Variants in LDAH observed in about 807,000 individuals in gnomAD.
The protein encoded by LDAH is lipid droplet associated hydrolase.
Under a neutral mutation model 29.6 loss-of-function variants are expected in LDAH, and 26 were observed. The observed-to-expected ratio is 0.88, with a 90% CI of 0.64 to 1.22. LDAH has a LOEUF of 1.22. Among genes scored for constraint, LDAH ranks in the 50% most tolerant of loss-of-function variants. The probability of loss-of-function intolerance (pLI) is 0.00; values close to 1 mark genes in which losing one functional copy is unlikely to be tolerated. For missense variants in LDAH, 344 were observed against 387.3 expected (o/e 0.89, Z 0.94); for synonymous variants, 117 against 133.0 (o/e 0.88, Z 0.83).
Position 20,686,961 on chromosome 2 carries a change from T to G in LDAH, c.920A>C (p.Asn307Thr), listed in dbSNP as rs1662602921. The G allele has an allele frequency of 6.2e-7, 1 of 1,614,128 alleles. No homozygotes were observed. The highest frequency in any genetic ancestry group is 1.3e-5 in the African/African-American group (1 of 75,032). ...AGCAATCATGTCTGCCATTTCCTGG[T>G]TAAAATGGGTGATGAAAGCATGAGG... The part of the protein sequence containing the change: ...NIPHAFITHF[N>T]QEMADMIADS... Residue 307 changes from asparagine (N) to threonine (T), a missense_variant, in exon 7 of 7, where the codon AAC (asparagine) becomes ACC (threonine). Transcript: ENST00000237822.
At chr2:20,750,592 GAACT>G (rs1272811439) in intron 4 of LDAH, among the ~76,000 whole-genome samples, 8 of 152,172 alleles carry the variant, frequency 5.3e-5, no homozygotes, top group Admixed American at 2.6e-4. Context: ...CCAATTGATA[GAACT>G]AACTGACGCT....
intron 4 of LDAH, among the ~76,000 whole-genome samples, chr2:20,758,097 A>G (rs920216563): frequency 1.3e-5 from 2 of 152,344 alleles, no homozygotes; most frequent in Non-Finnish European, 2.9e-5. Flanking sequence ...TAGACAAGAT[A>G]ATATAACCAA....
intron 3 of LDAH, among the ~76,000 whole-genome samples, chr2:20,779,418 C>T (rs906988871): frequency 4.0e-5 from 6 of 151,862 alleles, no homozygotes; most frequent in African/African-American, 1.4e-4. Context: ...CCATAGCACA[C>T]GTATACCTAT....
intron 5 of LDAH, among the ~76,000 whole-genome samples, chr2:20,728,041 A>G (rs1572490064): frequency 6.6e-6 from 1 of 152,312 alleles, no homozygotes; most frequent in East Asian, 1.9e-4. Context: ...AAATATTTGA[A>G]TATTTTGGTT....
chr2:20,773,523 T>A (rs369014931), intron 4 of LDAH, among the ~76,000 whole-genome samples: 21 of 152,298 alleles, frequency 1.4e-4, no homozygotes, highest in African/African-American at 4.6e-4. Flanking sequence ...AAAGCCTGCA[T>A]TCTGATTAAG....
chr2:20,797,727 T>C (rs535469362), intron 2 of LDAH, among the ~76,000 whole-genome samples: 61 of 151,750 alleles, frequency 4.0e-4, no homozygotes, highest in Middle Eastern at 3.4e-3. Context: ...TAAAGACTAA[T>C]GCAAATGAAA....
intron 3 of LDAH, chr2:20,789,012 T>A: frequency 1.0e-6 from 1 of 981,022 alleles, no homozygotes; most frequent in Non-Finnish European, 1.5e-6. Flanking sequence ...GCTCTCAAAG[T>A]CCCTCTCAAA....
intron 4 of LDAH, among the ~76,000 whole-genome samples, chr2:20,757,441 G>A (rs1017584894): frequency 1.3e-5 from 2 of 152,042 alleles, no homozygotes; most frequent in Non-Finnish European, 2.9e-5. Flanking sequence ...AAGAATAATT[G>A]CAAAAACAAA....
intron 5 of LDAH, among the ~76,000 whole-genome samples, chr2:20,727,338 TG>T (rs1240674361): frequency 2.6e-5 from 4 of 152,256 alleles, no homozygotes; most frequent in Admixed American, 2.6e-4. Flanking sequence ...AAAATTATTC[TG>T]GGATTGAGTT....
intron 3 of LDAH, among the ~76,000 whole-genome samples, chr2:20,778,293 C>T (rs553690735): frequency 6.6e-6 from 1 of 152,286 alleles, no homozygotes; most frequent in South Asian, 2.1e-4. Flanking sequence ...CACTTCACAG[C>T]TCACCTAACG....
intron 1 of LDAH, among the ~76,000 whole-genome samples, chr2:20,804,189 G>C (rs1671910780): frequency 6.6e-6 from 1 of 152,200 alleles, no homozygotes; most frequent in African/African-American, 2.4e-5. Context: ...ACTGATGCAA[G>C]GGCTATGTGT....
intron 1 of LDAH, among the ~76,000 whole-genome samples, chr2:20,817,819 A>C (rs976376405): frequency 1.3e-5 from 2 of 152,222 alleles, no homozygotes; most frequent in Admixed American, 6.5e-5. Flanking sequence ...ACTACTCAGC[A>C]ATAAATAAAG....
intron 4 of LDAH, among the ~76,000 whole-genome samples, chr2:20,772,410 C>G (rs868787835): frequency 6.6e-6 from 1 of 152,210 alleles, no homozygotes; most frequent in South Asian, 2.1e-4. Flanking sequence ...TTTTATTTGA[C>G]AGGTCCAAGT....
chr2:20,752,220 T>C (rs62123979), intron 4 of LDAH, among the ~76,000 whole-genome samples: 1 of 151,684 alleles, frequency 6.6e-6, no homozygotes, highest in Non-Finnish European at 1.5e-5. Context: ...AAAAAAAATT[T>C]ATACTTCAAT....
chr2:20,719,080 T>C (rs919125859), intron 5 of LDAH, among the ~76,000 whole-genome samples: 1 of 151,614 alleles, frequency 6.6e-6, no homozygotes, highest in African/African-American at 2.4e-5. Flanking sequence ...TTCAAATAAA[T>C]AACCTAATGA....
At chr2:20,735,256 T>C (rs1433135307) in intron 5 of LDAH, among the ~76,000 whole-genome samples, 1 of 152,204 alleles carries the variant, frequency 6.6e-6, no homozygotes, top group Admixed American at 6.5e-5. Flanking sequence ...ATCACAAATG[T>C]TAGATCTTTC....
chr2:20,773,175 T>C (rs1558464405), intron 4 of LDAH, among the ~76,000 whole-genome samples: 1 of 152,220 alleles, frequency 6.6e-6, no homozygotes, highest in Non-Finnish European at 1.5e-5. Flanking sequence ...AAGTTACAGA[T>C]ACCATTCTTG....
At chr2:20,723,253 T>C (rs1665784881) in intron 5 of LDAH, among the ~76,000 whole-genome samples, 1 of 152,154 alleles carries the variant, frequency 6.6e-6, no homozygotes, top group Non-Finnish European at 1.5e-5. Flanking sequence ...ATTCCAGTTA[T>C]TTAAAGTCCA....
chr2:20,713,912 A>G (rs983663209), intron 5 of LDAH, among the ~76,000 whole-genome samples: 6 of 152,180 alleles, frequency 3.9e-5, no homozygotes, highest in Non-Finnish European at 7.3e-5. Context: ...AGAGACTTAG[A>G]CTCCCACACA....
Sources: gnomAD v4.1 joint callset for allele counts (sites outside exome capture counted in the v4.1 genomes callset) on GRCh38, gnomAD v4.1.1 for gene constraint, MANE v1.5 for transcripts, NCBI Gene and HGNC (gene_info 2026-07-23, HGNC 2026-07-21) for gene names.